TIMP2: variants seen among roughly 807,000 people sequenced by gnomAD.
TIMP2 encodes metalloproteinase inhibitor 2.
A neutral mutation model predicts 24.3 loss-of-function variants in TIMP2; 5 were observed. The ratio of observed to expected loss-of-function variants is 0.21; its 90% CI spans 0.11 to 0.43. TIMP2 has a LOEUF of 0.43. Ranked by LOEUF, TIMP2 falls within the 20% of genes least tolerant of loss-of-function variation. The probability of loss-of-function intolerance (pLI) is 1.00; values close to 1 mark genes in which losing one functional copy is unlikely to be tolerated. For synonymous variants in TIMP2, 130 were observed against 123.2 expected (o/e 1.06, Z -0.37); for missense variants, 221 against 297.5 (o/e 0.74, Z 1.89).
Position 78,855,640 on chromosome 17 carries a change from T to A in TIMP2, c.*27A>T, listed in dbSNP as rs2069518874. On this transcript the variant is annotated 3_prime_UTR_variant, in exon 5 of 5. Coordinates refer to ENST00000262768, the MANE Select transcript of TIMP2 (RefSeq NM_003255.5). This position sits in a 1 kb window ranked among gnomAD's most constrained non-coding sequence, Gnocchi z 6.0. ...AAACCCTTGGAGGCTTTTTTTGCAG[T>A]TGGCCACAGGGGCGTTGGAGGCCTG... 1 of 1,610,266 alleles carries A rather than the reference T, an allele frequency of 6.2e-7. No homozygotes were observed. Among genetic ancestry groups the A allele is most frequent in the African/African-American group, 1.3e-5 (1 of 74,822 alleles).
Position 78,915,177 on chromosome 17 carries a change from G to A in TIMP2, c.130+9782C>T, listed in dbSNP as rs568903052. Among the ~76,000 whole-genome samples the A allele has an allele frequency of 1.4e-3, 211 of 152,166 alleles. No homozygotes were observed. In the Middle Eastern group the frequency reaches 0.017, roughly 12 times the overall value. ...CTCCCAAAGTGCTGGGATTACAGGC[G>A]TGAGTCACTGCAACCGGCCCAGTCT... On this transcript the variant is annotated intron_variant, in intron 1 of 4. Transcript: ENST00000262768.
At chr17:78,856,182 A>T (rs1228017812) in intron 4 of TIMP2, 1 of 384,690 alleles carries the variant, frequency 2.6e-6, no homozygotes, top group African/African-American at 2.0e-5. Flanking sequence ...ACACAGCAAC[A>T]ATAAAAGGGC....
chr17:78,858,577 A>G (rs1021395002), intron 3 of TIMP2, among the ~76,000 whole-genome samples: 4 of 152,152 alleles, frequency 2.6e-5, no homozygotes, highest in African/African-American at 9.7e-5. Context: ...CCAGAGTGCA[A>G]TGGTATGATC....
At chr17:78,906,686 G>A (rs893049732) in intron 1 of TIMP2, among the ~76,000 whole-genome samples, 26 of 152,036 alleles carry the variant, frequency 1.7e-4, no homozygotes, top group African/African-American at 5.1e-4. Context: ...GGGTTCACGC[G>A]ATTCTTGTGC....
intron 3 of TIMP2, among the ~76,000 whole-genome samples, chr17:78,863,818 C>T (rs1385059333): frequency 6.6e-6 from 1 of 152,138 alleles, no homozygotes; most frequent in African/African-American, 2.4e-5. Flanking sequence ...ACCAAGATAA[C>T]CAGCATCTCT....
chr17:78,919,973 C>T (rs2070296999), intron 1 of TIMP2, among the ~76,000 whole-genome samples: 1 of 152,216 alleles, frequency 6.6e-6, no homozygotes, highest in South Asian at 2.1e-4. Flanking sequence ...GCCACTGCCA[C>T]GTCTGCCTGT....
chr17:78,864,930 T>A (rs2069597658), intron 3 of TIMP2, among the ~76,000 whole-genome samples: 1 of 152,018 alleles, frequency 6.6e-6, no homozygotes. Flanking sequence ...GGTGCATGCC[T>A]GTAACCTCAG....
chr17:78,919,181 G>A (rs73999320), intron 1 of TIMP2, among the ~76,000 whole-genome samples: 2,939 of 152,352 alleles, frequency 0.019, 84 homozygotes, highest in African/African-American at 0.068. Flanking sequence ...GCGGAGTTAG[G>A]CGGCTGCCTT....
At chr17:78,867,327 A>G (rs549485372) in intron 3 of TIMP2, among the ~76,000 whole-genome samples, 2 of 151,984 alleles carry the variant, frequency 1.3e-5, no homozygotes, top group Admixed American at 1.3e-4. Flanking sequence ...AAAGGGGGGG[A>G]AGTCTCCTAT....
At chr17:78,890,795 C>T in intron 1 of TIMP2, 1 of 1,550,590 alleles carries the variant, frequency 6.4e-7, no homozygotes, top group Non-Finnish European at 8.7e-7. Flanking sequence ...GGAAGTGGTG[C>T]TGAGCTCAGA....
At position 78,924,832 on chromosome 17, in the gene TIMP2, C is replaced by G; in HGVS notation, c.130+127G>C. ...CGTCCACTTGCAGGATTCGAGAAGG[C>G]GCCGAGGGACCAGGAGGCGGGCGCT... On this transcript the variant is annotated intron_variant, in intron 1 of 4. Transcript: ENST00000262768. The surrounding 1 kb of genome is among the most constrained non-coding windows in gnomAD (Gnocchi z 5.3). The G allele has an allele frequency of 4.3e-6, 2 of 464,836 alleles. No homozygotes were observed. Among genetic ancestry groups the G allele is most frequent in the Non-Finnish European group, 6.3e-6 (2 of 316,902 alleles). 28.8% of individuals were successfully genotyped at this position (464,836 alleles called of 1,614,324 possible).
At chr17:78,871,770 C>T (rs922652424) in intron 2 of TIMP2, among the ~76,000 whole-genome samples, 1 of 150,892 alleles carries the variant, frequency 6.6e-6, no homozygotes, top group African/African-American at 2.4e-5. Flanking sequence ...GGCGTGAACC[C>T]AGGAGGCGGA....
chr17:78,862,312 T>C (rs1374894000), intron 3 of TIMP2, among the ~76,000 whole-genome samples: 1 of 152,180 alleles, frequency 6.6e-6, no homozygotes. Flanking sequence ...CTATCCTGAC[T>C]CGAGGCAAAC....
At chr17:78,895,865 C>G (rs1032100168) in intron 1 of TIMP2, among the ~76,000 whole-genome samples, 1 of 152,202 alleles carries the variant, frequency 6.6e-6, no homozygotes, top group Non-Finnish European at 1.5e-5. Flanking sequence ...GTGCCAAGAG[C>G]CGTTGGCTCA....
chr17:78,889,482 ACTTTGAAAGAC>A (rs1469202151), intron 1 of TIMP2, among the ~76,000 whole-genome samples: 2 of 152,226 alleles, frequency 1.3e-5, no homozygotes, highest in East Asian at 3.8e-4. Flanking sequence ...TTTTGTTGTG[ACTTTGAAAGAC>A]TAAGAGGTTT....
Position 78,920,686 on chromosome 17 carries a change from CAT to C in TIMP2, c.130+4271_130+4272del. 6.6e-6 allele frequency among the ~76,000 whole-genome samples: 1 copy of C among 152,338 alleles called. No homozygotes were observed. The highest frequency in any genetic ancestry group is 1.9e-4 in the East Asian group (1 of 5,190). On this transcript the variant is annotated intron_variant, in intron 1 of 4. Transcript: ENST00000262768. This position sits in a 1 kb window ranked among gnomAD's most constrained non-coding sequence, Gnocchi z 4.5. ...CTTGCAAATGCATTTCACATTGTCA[CAT>C]GATTACTCCTGAATTTTGGTTATTT...
At position 78,860,985 on chromosome 17, in the gene TIMP2, A is replaced by G. The variant is rs576358680; in HGVS notation, c.341-3339T>C. Among the ~76,000 whole-genome samples the G allele has an allele frequency of 6.6e-5, 10 of 151,638 alleles. No homozygotes were observed. The East Asian group carries it at 1.7e-3, about 27-fold the overall frequency. ...CGGGAGGTGGAAGTTACAAAGAGCC[A>G]AGATCGCGCCATTGCACTCCAGCCT... On this transcript the variant is annotated intron_variant, in intron 3 of 4. Transcript: ENST00000262768.
Position 78,857,663 on chromosome 17 carries a change from A to T in TIMP2, c.341-17T>A. 6.2e-7 allele frequency: 1 copy of T among 1,613,942 alleles called. No individual in the cohort carries two copies. The highest frequency in any genetic ancestry group is 8.5e-7 in the Non-Finnish European group (1 of 1,180,000). On this transcript the variant is annotated splice_polypyrimidine_tract_variant and intron_variant, in intron 3 of 4. Coordinates refer to ENST00000262768, the MANE Select transcript of TIMP2 (RefSeq NM_003255.5). ...CGGCCTTTCCTGCGGAGAGACGGGG[A>T]TCACCGAGCTCAGGGAGAGGGAAAA... is the stretch of plus-strand genomic sequence containing the variant.
chr17:78,917,721 T>A (rs998950301), intron 1 of TIMP2, among the ~76,000 whole-genome samples: 7 of 152,082 alleles, frequency 4.6e-5, no homozygotes, highest in Admixed American at 3.9e-4. Context: ...TTTGGAGCCA[T>A]CCCTGAGACC....
Sources: allele counts gnomAD v4.1 joint callset (sites outside exome capture counted in the v4.1 genomes callset), GRCh38; gene constraint gnomAD v4.1.1; non-coding constraint Gnocchi (gnomAD v3.1); transcripts MANE v1.5; gene names NCBI Gene and HGNC (gene_info 2026-07-23, HGNC 2026-07-21).